NTNG2: variants seen among roughly 807,000 people sequenced by gnomAD.
NTNG2 encodes netrin-G2.
NTNG2 carries 15 observed loss-of-function variants against 47.6 expected under a neutral mutation model. The ratio of observed to expected loss-of-function variants is 0.32; its 90% CI spans 0.21 to 0.49. The LOEUF is 0.49. NTNG2 is among the 20% of genes least tolerant of loss of function. The pLI is 0.99. For missense variants in NTNG2, 578 were observed against 764.6 expected (o/e 0.76, Z 2.88); for synonymous variants, 307 against 324.6 (o/e 0.95, Z 0.58).
intron 2 of NTNG2, among the ~76,000 whole-genome samples, chr9:132,173,329 GAGA>G (rs558960785): frequency 1.4e-3 from 211 of 152,342 alleles, no homozygotes; most frequent in Non-Finnish European, 2.5e-3. Context: ...AGTAGACAAT[GAGA>G]AGACCGAGGC....
At chr9:132,204,197 C>T (rs981183905) in intron 3 of NTNG2, among the ~76,000 whole-genome samples, 6 of 152,180 alleles carry the variant, frequency 3.9e-5, no homozygotes, top group East Asian at 1.9e-4. Flanking sequence ...TGGGCCTGGA[C>T]GGGCAGATCT....
At chr9:132,203,375 A>G (rs1019394426) in intron 3 of NTNG2, among the ~76,000 whole-genome samples, 1 of 152,088 alleles carries the variant, frequency 6.6e-6, no homozygotes, top group Non-Finnish European at 1.5e-5. Flanking sequence ...AATGAATAAT[A>G]AAAATAATGA....
intron 2 of NTNG2, among the ~76,000 whole-genome samples, chr9:132,192,225 G>T (rs1564402189): frequency 6.6e-6 from 1 of 152,148 alleles, no homozygotes; most frequent in Non-Finnish European, 1.5e-5. Context: ...GATGCTGACT[G>T]GGGACTGGGG....
In NTNG2 at chr9:132,166,749, A is replaced by G. The variant is rs1462492385; in HGVS notation, c.-83A>G. 3.0e-5 allele frequency: 40 copies of G among 1,353,504 alleles called. No individual in the cohort carries two copies. Among genetic ancestry groups the G allele is most frequent in the Non-Finnish European group, 3.7e-5 (35 of 954,872 alleles). The allele number at this position is 1,353,504 out of a possible 1,614,324, so 83.8% of individuals were successfully genotyped here. A position where few individuals can be genotyped will look rare whatever the true frequency, so the allele number is the denominator to read the frequency against. ...CTCGCCTGGTAGATGTGGCATTTCC[A>G]TGCTGAGGCCGCGAGTCCCGCCTGA... is the stretch of plus-strand genomic sequence containing the variant. On this transcript the variant is annotated 5_prime_UTR_variant, in exon 2 of 8. The change abolishes an upstream ATG in the 5' untranslated region. Transcript: ENST00000393229.
At chr9:132,187,504 G>T (rs750437177) in intron 2 of NTNG2, among the ~76,000 whole-genome samples, 14 of 151,158 alleles carry the variant, frequency 9.3e-5, no homozygotes, top group Admixed American at 2.0e-4. Flanking sequence ...AGAGCAAGAG[G>T]GACAGCGATC....
rs1373931146 is a variant in NTNG2, at chr9:132,242,926, C to G, written c.*815C>G. ...ACACAGCCTTAAAGAAACGGTTTCC[C>G]TACTGGGGCCACCATTTCCCTGGGC... is the stretch of plus-strand genomic sequence containing the variant. On this transcript the variant is annotated 3_prime_UTR_variant, in exon 8 of 8. Transcript: ENST00000393229. The surrounding 1 kb of genome is among the most constrained non-coding windows in gnomAD (Gnocchi z 5.9). The G allele has an allele frequency of 3.3e-5, 5 of 152,206 alleles. No individual in the cohort carries two copies. Among genetic ancestry groups the G allele is most frequent in the Non-Finnish European group, 5.9e-5 (4 of 68,040 alleles). 9.4% of individuals were successfully genotyped at this position (152,206 alleles called of 1,614,324 possible).
chr9:132,168,333 T>C (rs1681825942), intron 2 of NTNG2, among the ~76,000 whole-genome samples: 1 of 152,194 alleles, frequency 6.6e-6, no homozygotes. Context: ...AGGCAGCTGG[T>C]ACCTCTGCGT....
chr9:132,238,553 G>A (rs949205882), intron 5 of NTNG2, among the ~76,000 whole-genome samples: 12 of 152,214 alleles, frequency 7.9e-5, no homozygotes, highest in Non-Finnish European at 1.3e-4. Context: ...TAATAAGAAA[G>A]GGTCTGGCAG....
chr9:132,178,961 C>CAAAA (rs33967810), intron 2 of NTNG2, among the ~76,000 whole-genome samples: 7 of 82,300 alleles, frequency 8.5e-5, no homozygotes, highest in African/African-American at 1.9e-4. Flanking sequence ...GACTCGGTCT[C>CAAAA]AAAAAAAAAA....
Position 132,191,131 on chromosome 9 carries a change from C to T in NTNG2, c.214-6835C>T, listed in dbSNP as rs938421512. On this transcript the variant is annotated intron_variant, in intron 2 of 7. Coordinates refer to ENST00000393229, the MANE Select transcript of NTNG2 (RefSeq NM_032536.4). ...GCTGAGAGGGTGCAGGGAGGAGCGGCTGTGAAGTGCCCAACCCAGCCCGGG... is the reference window on the plus strand; with the variant it reads ...GCTGAGAGGGTGCAGGGAGGAGCGGTTGTGAAGTGCCCAACCCAGCCCGGG... 6.6e-5 allele frequency among the ~76,000 whole-genome samples: 10 copies of T among 152,242 alleles called. No individual in the cohort carries two copies. In the South Asian group the frequency reaches 8.3e-4, roughly 13 times the overall value.
At chr9:132,203,629 G>A (rs1163928666) in intron 3 of NTNG2, among the ~76,000 whole-genome samples, 3 of 152,212 alleles carry the variant, frequency 2.0e-5, no homozygotes, top group Non-Finnish European at 4.4e-5. Context: ...TACCCCTGCA[G>A]CCCAGGGCAG....
chr9:132,173,056 G>T (rs1049656736), intron 2 of NTNG2, among the ~76,000 whole-genome samples: 4 of 152,128 alleles, frequency 2.6e-5, no homozygotes, highest in African/African-American at 4.8e-5. Flanking sequence ...GAAAAACTGG[G>T]GTTTGGGTCA....
At position 132,163,990 on chromosome 9, in the gene NTNG2, G is replaced by C. The variant is rs1043541977; in HGVS notation, c.-484+1751G>C. Among the ~76,000 whole-genome samples the C allele has an allele frequency of 2.0e-5, 3 of 152,254 alleles. No individual in the cohort carries two copies. The highest frequency in any genetic ancestry group is 6.8e-3 in the Middle Eastern group (2 of 294). On this transcript the variant is annotated intron_variant, in intron 1 of 7. Transcript: ENST00000393229. This position sits in a 1 kb window ranked among gnomAD's most constrained non-coding sequence, Gnocchi z 7.2. ...GGAGAAAACGATCCTCCGGGATGCA[G>C]CTTCTTACTCTGAAAATTTCCCTGC...
intron 1 of NTNG2, among the ~76,000 whole-genome samples, chr9:132,165,364 A>T (rs996577232): frequency 6.6e-6 from 1 of 152,194 alleles, no homozygotes; most frequent in Non-Finnish European, 1.5e-5. Flanking sequence ...GCACAGCAAT[A>T]ATCGTAATTG....
chr9:132,240,854 A>G (rs2131052696), intron 6 of NTNG2, 56 bp from the exon 7 acceptor site: 1 of 1,610,712 alleles, frequency 6.2e-7, no homozygotes, highest in South Asian at 1.1e-5. Flanking sequence ...TGGGGGTCCG[A>G]GAAGACGGCG....
chr9:132,238,880 C>T (rs1841810205), intron 5 of NTNG2: 1 of 625,678 alleles, frequency 1.6e-6, no homozygotes, highest in Non-Finnish European at 2.8e-6. Context: ...GTGGGAATCC[C>T]TGGGCTCAGC....
At chr9:132,229,898 G>A (rs1397273238) in intron 4 of NTNG2, among the ~76,000 whole-genome samples, 4 of 152,208 alleles carry the variant, frequency 2.6e-5, no homozygotes, top group African/African-American at 9.6e-5. Context: ...GGTCACACCA[G>A]GATCATAGGC....
At chr9:132,187,783 C>T (rs758119397) in intron 2 of NTNG2, among the ~76,000 whole-genome samples, 4 of 152,214 alleles carry the variant, frequency 2.6e-5, no homozygotes, top group Non-Finnish European at 4.4e-5. Flanking sequence ...CCTAGCACCC[C>T]GGCTTTCTCC....
intron 6 of NTNG2, 168 bp from the exon 7 acceptor site, chr9:132,240,742 C>G (rs1841921567): frequency 1.0e-6 from 1 of 967,458 alleles, no homozygotes. Context: ...CCTGGCCACC[C>G]TGGGAAGTCC....
Sources: gnomAD v4.1 joint callset for allele counts (sites outside exome capture counted in the v4.1 genomes callset) on GRCh38, gnomAD v4.1.1 for gene constraint, Gnocchi (gnomAD v3.1) non-coding constraint, MANE v1.5 for transcripts, NCBI Gene and HGNC (gene_info 2026-07-23, HGNC 2026-07-21) for gene names.